CNTNAP5: variants seen among roughly 807,000 people sequenced by gnomAD.
CNTNAP5 encodes contactin associated protein family member 5.
In CNTNAP5, 72 loss-of-function variants were observed where a neutral mutation model predicts 150.2. The ratio of observed to expected loss-of-function variants is 0.48; its 90% confidence interval spans 0.40 to 0.58. The LOEUF is 0.58. CNTNAP5 is among the 20% of genes least tolerant of loss of function. The probability of loss-of-function intolerance (pLI) is 0.00; values close to 1 mark genes in which losing one functional copy is unlikely to be tolerated. For missense variants in CNTNAP5, 1,636 were observed against 1,626.2 expected, an observed-to-expected ratio of 1.01 and a Z score of -0.10; for synonymous variants, 672 against 619.8, an observed-to-expected ratio of 1.08 and a Z score of -1.25.
intron 3 of CNTNAP5, among the ~76,000 whole-genome samples, chr2:124,251,601 G>A (rs1486718045): frequency 6.6e-6 from 1 of 151,948 alleles, no homozygotes; most frequent in Admixed American, 6.6e-5. Flanking sequence ...GGCACATTCT[G>A]CAGGTACTAA....
chr2:124,081,925 G>T (rs953234140), intron 1 of CNTNAP5, among the ~76,000 whole-genome samples: 1 of 152,120 alleles, frequency 6.6e-6, no homozygotes, highest in African/African-American at 2.4e-5. Context: ...CAAAGTATGA[G>T]AATTTTATAT....
intron 7 of CNTNAP5, among the ~76,000 whole-genome samples, chr2:124,475,144 G>C (rs182780452): frequency 1.3e-5 from 2 of 151,860 alleles, no homozygotes; most frequent in Admixed American, 1.3e-4. Flanking sequence ...TTCAACTGTG[G>C]GTAGTATTTG....
intron 11 of CNTNAP5, among the ~76,000 whole-genome samples, chr2:124,598,580 G>T (rs1290196615): frequency 6.6e-6 from 1 of 150,838 alleles, no homozygotes; most frequent in Non-Finnish European, 1.5e-5. Context: ...GTCTGCAGAG[G>T]TTACTGCTGT....
chr2:124,421,711 G>C (rs1448904574), intron 4 of CNTNAP5, among the ~76,000 whole-genome samples: 5 of 152,170 alleles, frequency 3.3e-5, no homozygotes. Context: ...ATAAAATTGA[G>C]ATTTCTTACT....
chr2:124,828,065 G>C (rs1016452883), intron 19 of CNTNAP5, among the ~76,000 whole-genome samples: 10 of 152,148 alleles, frequency 6.6e-5, no homozygotes, highest in African/African-American at 2.4e-4. Context: ...TGAGTGACAG[G>C]AAAAATGTTG....
intron 19 of CNTNAP5, among the ~76,000 whole-genome samples, chr2:124,804,082 C>G (rs141262517): frequency 6.6e-6 from 1 of 152,326 alleles, no homozygotes; most frequent in African/African-American, 2.4e-5. Context: ...TCCCAGTAGT[C>G]TTTTGCTATC....
At chr2:124,136,224 GA>G (rs1328725623) in intron 1 of CNTNAP5, among the ~76,000 whole-genome samples, 3 of 152,164 alleles carry the variant, frequency 2.0e-5, no homozygotes, top group African/African-American at 7.2e-5. Context: ...GTGAATCAGA[GA>G]AAGCTTGAGA....
At chr2:124,797,307 G>A (rs1681867795) in intron 18 of CNTNAP5, among the ~76,000 whole-genome samples, 1 of 152,170 alleles carries the variant, frequency 6.6e-6, no homozygotes, top group Non-Finnish European at 1.5e-5. Context: ...CTTCAAGGAG[G>A]CTGGGTGATT....
intron 17 of CNTNAP5, among the ~76,000 whole-genome samples, chr2:124,781,574 G>A (rs948380253): frequency 4.6e-5 from 7 of 152,104 alleles, no homozygotes; most frequent in Non-Finnish European, 1.0e-4. Flanking sequence ...CAGGTATCTG[G>A]GAGGACACCT....
intron 19 of CNTNAP5, among the ~76,000 whole-genome samples, chr2:124,806,712 C>T (rs1407248932): frequency 6.6e-6 from 1 of 152,130 alleles, no homozygotes; most frequent in Non-Finnish European, 1.5e-5. Context: ...AAAAGGAGTG[C>T]ACAAAGTGCC....
chr2:124,597,221 C>T (rs1696849084), intron 11 of CNTNAP5, among the ~76,000 whole-genome samples: 1 of 148,826 alleles, frequency 6.7e-6, no homozygotes, highest in Non-Finnish European at 1.5e-5. Flanking sequence ...TTAGTTGATG[C>T]AGTTTATTCC....
chr2:124,732,507 C>T (rs1235657525), intron 13 of CNTNAP5, among the ~76,000 whole-genome samples: 2 of 152,090 alleles, frequency 1.3e-5, no homozygotes, highest in East Asian at 1.9e-4. Flanking sequence ...AGCCCTTCTA[C>T]CTCGCAAGGA....
chr2:124,858,298 A>G (rs1677428356), intron 19 of CNTNAP5, among the ~76,000 whole-genome samples: 1 of 152,238 alleles, frequency 6.6e-6, no homozygotes, highest in Admixed American at 6.5e-5. Context: ...CTGTATATCT[A>G]AAACACCCCA....
At chr2:124,591,592 A>G (rs1314817180) in intron 11 of CNTNAP5, among the ~76,000 whole-genome samples, 4 of 152,078 alleles carry the variant, frequency 2.6e-5, no homozygotes, top group Admixed American at 6.6e-5. Flanking sequence ...GAACATACAT[A>G]TTACACCGAT....
intron 3 of CNTNAP5, among the ~76,000 whole-genome samples, chr2:124,322,928 C>G (rs998702902): frequency 6.6e-6 from 1 of 152,158 alleles, no homozygotes; most frequent in Non-Finnish European, 1.5e-5. Flanking sequence ...GCAATGTGCT[C>G]TGTTCTGTAA....
chr2:124,427,374 C>T (rs1692263378), intron 4 of CNTNAP5, among the ~76,000 whole-genome samples: 1 of 152,120 alleles, frequency 6.6e-6, no homozygotes, highest in Admixed American at 6.5e-5. Flanking sequence ...ATTTTCCCTA[C>T]TTTAAATGAT....
rs116698361 is a variant in CNTNAP5, at chr2:124,241,896, G to A, written c.188-304G>A. On this transcript the variant is annotated intron_variant, in intron 2 of 23. Transcript: ENST00000682447. Reference sequence around the variant, plus strand: ...ATCAAAGGCTGAAGTTGTAAGAAGAGAAATAAATAAAACAAATGTCACTAG... The same window carrying A: ...ATCAAAGGCTGAAGTTGTAAGAAGAAAAATAAATAAAACAAATGTCACTAG... 1.6e-3 allele frequency among the ~76,000 whole-genome samples: 238 copies of A among 152,230 alleles called. 2 individuals are homozygous for A. The highest frequency in any genetic ancestry group is 5.6e-3 in the African/African-American group (231 of 41,554).
intron 11 of CNTNAP5, among the ~76,000 whole-genome samples, chr2:124,575,073 T>C (rs73952820): frequency 2.4e-4 from 37 of 152,254 alleles, no homozygotes; most frequent in African/African-American, 8.2e-4. Context: ...ATCATTTTTT[T>C]CCCACTGCAA....
intron 3 of CNTNAP5, among the ~76,000 whole-genome samples, chr2:124,352,459 G>C (rs1689893789): frequency 6.6e-6 from 1 of 152,128 alleles, no homozygotes; most frequent in South Asian, 2.1e-4. Context: ...TCCTGTGAAA[G>C]ACAAAACAGT....
Sources: allele counts gnomAD v4.1 joint callset (sites outside exome capture counted in the v4.1 genomes callset), GRCh38; gene constraint gnomAD v4.1.1; transcripts MANE v1.5; gene names NCBI Gene and HGNC (gene_info 2026-07-23, HGNC 2026-07-21).